Variants in NBPF8 observed in about 807,000 individuals in gnomAD.
NBPF8 encodes the protein NBPF family member NBPF8.
At chr1:120,449,295 A>T (rs781864752) in exon 11 of NBPF8, 1 of 1,609,822 alleles carries the variant, frequency 6.2e-7, no homozygotes, top group Non-Finnish European at 8.5e-7. Context: ...ATCAATGAGA[A>T]ATTGCACCCC....
intron 11 of NBPF8, among the ~76,000 whole-genome samples, chr1:120,449,914 C>G (rs1488386838): frequency 6.6e-6 from 1 of 152,102 alleles, no homozygotes; most frequent in African/African-American, 2.4e-5. Flanking sequence ...CCTGTGCTGT[C>G]TATAAGTGAC....
chr1:120,431,449 A>T (rs1183581901), upstream of NBPF8, among the ~76,000 whole-genome samples: 1 of 146,642 alleles, frequency 6.8e-6, no homozygotes, highest in Non-Finnish European at 1.5e-5. Context: ...TGATAAGATA[A>T]ACAGCACATT....
intron 3 of NBPF8, among the ~76,000 whole-genome samples, chr1:120,431,291 C>T (rs1181081013): frequency 7.2e-5 from 8 of 110,756 alleles, no homozygotes; most frequent in Non-Finnish European, 1.3e-4. Context: ...GTATATTCAC[C>T]GTTTTGAAGA....
At chr1:120,450,079 T>C (rs1433181167) in intron 11 of NBPF8, among the ~76,000 whole-genome samples, 15 of 151,784 alleles carry the variant, frequency 9.9e-5, no homozygotes, top group Middle Eastern at 3.4e-3. Context: ...ATACAAAAAG[T>C]AGATGGGCGT....
intron 3 of NBPF8, among the ~76,000 whole-genome samples, chr1:120,430,915 C>T (rs1304424461): frequency 6.6e-6 from 1 of 151,530 alleles, no homozygotes; most frequent in Non-Finnish European, 1.5e-5. Flanking sequence ...AAAGTCAGTT[C>T]TTCGTAAATT....
intron 21 of NBPF8, 56 bp downstream of exon 19, chr1:120,463,022 G>A: frequency 1.6e-6 from 1 of 610,966 alleles, no homozygotes; most frequent in Non-Finnish European, 2.9e-6. Flanking sequence ...AGATAGGGGT[G>A]ATATTCCTGT....
intron 13 of NBPF8, among the ~76,000 whole-genome samples, chr1:120,452,575 CT>C (rs1661312436): frequency 2.0e-5 from 3 of 152,172 alleles, no homozygotes; most frequent in Non-Finnish European, 1.5e-5. Context: ...GAGGCAGCAT[CT>C]GTCTAGTTTT....
downstream of NBPF8, among the ~76,000 whole-genome samples, chr1:120,469,527 T>C (rs1408884307): frequency 4.6e-5 from 7 of 151,392 alleles, no homozygotes; most frequent in Middle Eastern, 3.4e-3. Flanking sequence ...CTTTGTCATA[T>C]TGGTGATTTC....
upstream of NBPF8, among the ~76,000 whole-genome samples, chr1:120,416,689 T>C (rs1358510775): frequency 6.7e-6 from 1 of 148,682 alleles, no homozygotes; most frequent in Admixed American, 6.7e-5. Context: ...AGAACATTAC[T>C]AGACTGGGGT....
chr1:120,467,847 T>C (rs1661782727), downstream of NBPF8: 1 of 152,170 alleles, frequency 6.6e-6, no homozygotes, highest in South Asian at 2.1e-4. Flanking sequence ...CATTTCCATG[T>C]TTATTTTGTA....
rs610598 is a variant in NBPF8, at chr1:120,422,790, C to T, written n.269+2672C>T. Among the ~76,000 whole-genome samples the T allele has an allele frequency of 2.2e-4, 24 of 110,534 alleles. 2 individuals carry two copies. Among genetic ancestry groups the T allele is most frequent in the African/African-American group, 8.6e-4 (18 of 20,884 alleles). 72.5% of individuals were successfully genotyped at this position (110,534 alleles called of 152,430 possible). A position where few individuals can be genotyped will look rare whatever the true frequency, so the allele number is the denominator to read the frequency against. ...GAGAGTTCTGGTTGTTCCTCATCTT[C>T]GACAGCATTTGGTGTGTTCACCGTT... On this transcript the variant is annotated intron_variant and non_coding_transcript_variant, in intron 1 of 28. Transcript: ENST00000652355.
At chr1:120,434,237 T>C (rs1661000394), upstream of NBPF8, among the ~76,000 whole-genome samples, 2 of 147,992 alleles carry the variant, frequency 1.4e-5, no homozygotes, top group African/African-American at 4.9e-5. Flanking sequence ...AATATATATA[T>C]ATAATATATA....
chr1:120,452,366 C>A, intron 13 of NBPF8, 35 bp downstream of exon 11: 1 of 1,140,980 alleles, frequency 8.8e-7, no homozygotes, highest in South Asian at 1.2e-5. Context: ...ACCCAAAATC[C>A]CAGGCTTATG....
upstream of NBPF8, chr1:120,433,627 G>A (rs1296668837): frequency 3.6e-4 from 61 of 170,752 alleles, 1 homozygote; most frequent in African/African-American, 1.1e-3. Context: ...TGTGGGGAGC[G>A]GTGGAGTGGA....
chr1:120,426,990 C>T (rs1660745508), intron 2 of NBPF8, among the ~76,000 whole-genome samples: 1 of 136,996 alleles, frequency 7.3e-6, no homozygotes, highest in Non-Finnish European at 1.6e-5. Flanking sequence ...CCTCTGGGCT[C>T]TCTGCTCTGC....
chr1:120,434,744 G>A (rs2101603817), upstream of NBPF8, among the ~76,000 whole-genome samples: 2 of 139,256 alleles, frequency 1.4e-5, no homozygotes, highest in East Asian at 4.0e-4. Context: ...TCCATCATAT[G>A]TTGAAATTAT....
chr1:120,452,115 A>T lies in NBPF8; in HGVS notation n.2075-2A>T. The T allele has an allele frequency of 1.9e-6, 3 of 1,582,864 alleles. No individual in the cohort carries two copies. Among genetic ancestry groups the T allele is most frequent in the Middle Eastern group, 2.3e-4 (1 of 4,394 alleles). On this transcript the variant is annotated splice_acceptor_variant and non_coding_transcript_variant, in intron 12 of 24. Transcript: ENST00000583271. Reference sequence around the variant, plus strand: ...TAAATTTTCTCTACCGTCTCACCTTAGGCAATATAAAGTCCTGGTTCACAC... The same window carrying T: ...TAAATTTTCTCTACCGTCTCACCTTTGGCAATATAAAGTCCTGGTTCACAC...
exon 19 of NBPF8, chr1:120,461,269 G>A: frequency 1.5e-6 from 1 of 662,414 alleles, no homozygotes; most frequent in South Asian, 1.5e-5. Context: ...GCAGGGAGCT[G>A]CTGGATGAGA....
upstream of NBPF8, among the ~76,000 whole-genome samples, chr1:120,431,439 TGATAA>T (rs1241852276): frequency 2.1e-5 from 3 of 143,756 alleles, no homozygotes; most frequent in Non-Finnish European, 4.5e-5. Context: ...TATTGCAATC[TGATAA>T]GATAAACAGC....
Sources: allele counts gnomAD v4.1 joint callset (sites outside exome capture counted in the v4.1 genomes callset), GRCh38; gene constraint gnomAD v4.1.1; transcripts MANE v1.5; gene names NCBI Gene and HGNC (gene_info 2026-07-23, HGNC 2026-07-21).